The following MAN1C1 variants were observed in gnomAD, a reference collection of about 807,000 sequenced individuals.
MAN1C1 encodes mannosidase alpha class 1C member 1, also known as mannosyl-oligosaccharide 1,2-alpha-mannosidase IC.
Under a neutral mutation model 71.5 loss-of-function variants are expected in MAN1C1, and 49 were observed. That is an observed-to-expected ratio of 0.69 (90% CI 0.54 to 0.87). MAN1C1 has a LOEUF of 0.87. Ranked by LOEUF, MAN1C1 falls within the 40% of genes least tolerant of loss-of-function variation. MAN1C1 has a pLI of 0.00. For missense variants in MAN1C1, 743 were observed against 835.0 expected (o/e 0.89, Z 1.36); for synonymous variants, 352 against 343.7 (o/e 1.02, Z -0.27).
chr1:25,746,018 G>A lies in MAN1C1; in HGVS notation c.638-650G>A, dbSNP rs1185958724. The stretch of plus-strand genomic sequence containing the variant: ...AAAAAAAAAGATTTTTGTATGCCAG[G>A]CTGGATGAGGTGGCTCACGGCTCAC... On this transcript the variant is annotated intron_variant, in intron 2 of 11. Transcript: ENST00000374332. This position sits in a 1 kb window ranked among gnomAD's most constrained non-coding sequence, Gnocchi z 4.0. Among the ~76,000 whole-genome samples, 1 of 150,990 alleles carries A rather than the reference G, an allele frequency of 6.6e-6. No individual in the cohort carries two copies. The highest frequency in any genetic ancestry group is 1.5e-5 in the Non-Finnish European group (1 of 67,846).
rs76378714 is a variant in MAN1C1 at position 25,741,583 on chromosome 1, T to G, written c.638-5085T>G. 4.0e-3 allele frequency among the ~76,000 whole-genome samples: 607 copies of G among 151,662 alleles called. 3 individuals carry two copies. Among genetic ancestry groups the G allele is most frequent in the African/African-American group, 0.014 (582 of 41,312 alleles). On this transcript the variant is annotated intron_variant, in intron 2 of 11. Transcript: ENST00000374332. ...GACTACAGTCCCCACTATTATAAAGTGACAGGGACAGGGAAACGCATGAGT... is the reference window on the plus strand; with the variant it reads ...GACTACAGTCCCCACTATTATAAAGGGACAGGGACAGGGAAACGCATGAGT...
intron 1 of MAN1C1, among the ~76,000 whole-genome samples, chr1:25,637,571 A>T (rs2045479830): frequency 1.3e-5 from 2 of 152,114 alleles, no homozygotes; most frequent in Non-Finnish European, 1.5e-5. Context: ...CTTAGGTCAG[A>T]TAGGTTGATA....
intron 2 of MAN1C1, among the ~76,000 whole-genome samples, chr1:25,718,760 G>A (rs2092319): frequency 0.15 from 23,428 of 152,066 alleles, 2,199 homozygotes; most frequent in African/African-American, 0.26. Context: ...GCATGCATCA[G>A]TATTTCATTT....
chr1:25,712,650 C>T (rs1025349924), intron 2 of MAN1C1, among the ~76,000 whole-genome samples: 1 of 152,220 alleles, frequency 6.6e-6, no homozygotes, highest in African/African-American at 2.4e-5. Context: ...GCATGGAGGA[C>T]AGCCATTCAA....
chr1:25,715,727 G>A (rs961474217), intron 2 of MAN1C1, among the ~76,000 whole-genome samples: 3 of 152,230 alleles, frequency 2.0e-5, no homozygotes, highest in East Asian at 3.8e-4. Flanking sequence ...GCAGAAGAAC[G>A]ATGGTGGTTT....
chr1:25,718,475 T>C (rs1315547790), intron 2 of MAN1C1, among the ~76,000 whole-genome samples: 3 of 152,250 alleles, frequency 2.0e-5, no homozygotes, highest in Non-Finnish European at 1.5e-5. Context: ...CCATAAAAGG[T>C]TGCCAATTGT....
chr1:25,705,420 C>T (rs2124230932), intron 2 of MAN1C1, among the ~76,000 whole-genome samples: 2 of 152,308 alleles, frequency 1.3e-5, no homozygotes, highest in South Asian at 4.1e-4. Context: ...GATGGCTGTC[C>T]AGTATTCTAT....
chr1:25,647,085 C>T (rs1246568032), intron 1 of MAN1C1, among the ~76,000 whole-genome samples: 1 of 152,164 alleles, frequency 6.6e-6, no homozygotes, highest in Non-Finnish European at 1.5e-5. Flanking sequence ...CAGCCCCTCT[C>T]TAGCATAAAC....
At chr1:25,772,447 CAGTT>C (rs1216341565) in intron 8 of MAN1C1, 2 of 152,404 alleles carry the variant, frequency 1.3e-5, no homozygotes, top group East Asian at 1.9e-4. Flanking sequence ...AAGAGGGAAT[CAGTT>C]AGCCTGAGCC....
intron 2 of MAN1C1, among the ~76,000 whole-genome samples, chr1:25,739,894 G>C (rs1294249039): frequency 2.6e-5 from 4 of 152,114 alleles, no homozygotes; most frequent in African/African-American, 9.7e-5. Context: ...ATGCCTCCTA[G>C]GGTCAGACTG....
intron 1 of MAN1C1, among the ~76,000 whole-genome samples, chr1:25,679,497 A>G (rs1458722168): frequency 6.6e-6 from 1 of 151,868 alleles, no homozygotes; most frequent in Non-Finnish European, 1.5e-5. Context: ...GGAAAATAGA[A>G]TTGTGTAATG....
chr1:25,766,367 C>T (rs1214748538), intron 7 of MAN1C1, among the ~76,000 whole-genome samples: 2 of 151,678 alleles, frequency 1.3e-5, no homozygotes, highest in South Asian at 2.1e-4. Flanking sequence ...TTGGTGCATA[C>T]GTATTCTTTT....
At chr1:25,697,777 G>A (rs1436290784) in intron 2 of MAN1C1, among the ~76,000 whole-genome samples, 1 of 152,224 alleles carries the variant, frequency 6.6e-6, no homozygotes, top group Non-Finnish European at 1.5e-5. Flanking sequence ...TACTGTATTG[G>A]TATGTTAAGT....
At chr1:25,660,497 A>G (rs2124098752) in intron 1 of MAN1C1, among the ~76,000 whole-genome samples, 1 of 135,100 alleles carries the variant, frequency 7.4e-6, no homozygotes, top group Non-Finnish European at 1.5e-5. Context: ...GGTTCACACC[A>G]TTCTCCTGCC....
chr1:25,740,548 T>C (rs373128820), intron 2 of MAN1C1, among the ~76,000 whole-genome samples: 2 of 152,090 alleles, frequency 1.3e-5, no homozygotes, highest in African/African-American at 4.8e-5. Context: ...GCCATTCTCC[T>C]GTCTCAGCCT....
intron 2 of MAN1C1, among the ~76,000 whole-genome samples, chr1:25,729,904 G>A (rs554011983): frequency 5.5e-4 from 83 of 152,144 alleles, no homozygotes; most frequent in Non-Finnish European, 1.0e-3. Context: ...TCCAAACCCA[G>A]GTCCCCGTGG....
chr1:25,699,880 C>T (rs1172450810), intron 2 of MAN1C1, among the ~76,000 whole-genome samples: 1 of 152,218 alleles, frequency 6.6e-6, no homozygotes, highest in African/African-American at 2.4e-5. Context: ...CCCGCTGCCA[C>T]TCGGGGCCTC....
chr1:25,673,871 A>C (rs1188360714), intron 1 of MAN1C1, among the ~76,000 whole-genome samples: 1 of 152,220 alleles, frequency 6.6e-6, no homozygotes, highest in Non-Finnish European at 1.5e-5. Flanking sequence ...GTAAGGCTCA[A>C]ATGAAAAAGG....
chr1:25,774,589 C>G (rs1281509465), intron 8 of MAN1C1, among the ~76,000 whole-genome samples: 2 of 152,186 alleles, frequency 1.3e-5, no homozygotes, highest in African/African-American at 4.8e-5. Flanking sequence ...AGGCACTGAG[C>G]CAGGCTTCGA....
Sources: gnomAD v4.1 joint callset for allele counts (sites outside exome capture counted in the v4.1 genomes callset) on GRCh38, gnomAD v4.1.1 for gene constraint, Gnocchi (gnomAD v3.1) non-coding constraint, MANE v1.5 for transcripts, NCBI Gene and HGNC (gene_info 2026-07-23, HGNC 2026-07-21) for gene names.